The following PRKACA variants were observed in gnomAD, a reference collection of about 807,000 sequenced individuals.
PRKACA encodes the protein protein kinase cAMP-activated catalytic subunit alpha, also known as cAMP-dependent protein kinase catalytic subunit alpha.
A neutral mutation model predicts 45.8 loss-of-function variants in PRKACA; 9 were observed. The ratio of observed to expected loss-of-function variants is 0.20; its 90% CI spans 0.12 to 0.34. PRKACA has a LOEUF of 0.34. Among genes scored for constraint, PRKACA ranks in the 10% least tolerant of loss-of-function variants. The pLI is 1.00. For synonymous variants in PRKACA, 160 were observed against 178.6 expected, an observed-to-expected ratio of 0.90 and a Z score of 0.83; for missense variants, 238 against 458.6, an observed-to-expected ratio of 0.52 and a Z score of 4.39.
In PRKACA at chr19:14,102,857, C is replaced by T; in HGVS notation, c.295G>A (p.Val99Ile). 3.1e-6 allele frequency: 5 copies of T among 1,614,188 alleles called. No individual in the cohort carries two copies. Among genetic ancestry groups the T allele is most frequent in the Non-Finnish European group, 4.2e-6 (5 of 1,180,038 alleles). The part of the protein sequence containing the change: ...TLNEKRILQA[V>I]NFPFLVKLEF... The stretch of plus-strand genomic sequence containing the variant: ...AGTTTGACGAGGAACGGAAAGTTGA[C>T]AGCTTGCAGGATGCGCTTTTCATTC... The change falls in exon 4 of 10, where the codon GTC (valine) becomes ATC (isoleucine). Residue 99 changes from valine (V) to isoleucine (I), a missense_variant. By Grantham distance (29) the Val-to-Ile change is conservative. Coordinates refer to ENST00000308677, the MANE Select transcript of PRKACA (RefSeq NM_002730.4).
intron 1 of PRKACA, among the ~76,000 whole-genome samples, chr19:14,116,503 C>G (rs1967108562): frequency 6.6e-6 from 1 of 152,120 alleles, no homozygotes; most frequent in African/African-American, 2.4e-5. Context: ...ATGAACCTCG[C>G]TAAACCCAGA....
chr19:14,112,579 G>A (rs1966998037), intron 1 of PRKACA: 1 of 152,356 alleles, frequency 6.6e-6, no homozygotes, highest in African/African-American at 2.4e-5. Context: ...CAGGGGACCA[G>A]GGAGGAGGAG....
chr19:14,114,016 C>G (rs1967046019), intron 1 of PRKACA: 1 of 1,219,496 alleles, frequency 8.2e-7, no homozygotes, highest in African/African-American at 1.5e-5. Context: ...CCAGGGCCAG[C>G]CAGGGGTTCA....
chr19:14,097,925 G>C lies in PRKACA; in HGVS notation c.420-35C>G, dbSNP rs769313980. On this transcript the variant is annotated intron_variant, in intron 5 of 9. Coordinates refer to ENST00000308677, the MANE Select transcript of PRKACA (RefSeq NM_002730.4). The surrounding 1 kb of genome is among the most constrained non-coding windows in gnomAD (Gnocchi z 5.4). ...ACAAATGGGGAGGTGAACGTCAGTG[G>C]TCATGCCCCAAAATGGTCCAGCAGG... is the stretch of plus-strand genomic sequence containing the variant. 5 of 1,612,354 alleles carry C rather than the reference G, an allele frequency of 3.1e-6. No individual in the cohort carries two copies. The highest frequency in any genetic ancestry group is 3.4e-6 in the Non-Finnish European group (4 of 1,178,782).
intron 8 of PRKACA, among the ~76,000 whole-genome samples, chr19:14,094,523 T>C (rs1026138448): frequency 6.6e-6 from 1 of 152,198 alleles, no homozygotes; most frequent in Non-Finnish European, 1.5e-5. Context: ...TCCCCAGCAA[T>C]GGTGCTGCTG....
In PRKACA at chr19:14,099,008, CCA is replaced by C. The variant is rs1247959826; in HGVS notation, c.420-1120_420-1119del. On this transcript the variant is annotated intron_variant, in intron 5 of 9. Coordinates refer to ENST00000308677, the MANE Select transcript of PRKACA (RefSeq NM_002730.4). ...ATCTATCTAAAATACAACTACAAGG[CCA>C]GCGCGGTGGCCCATGCCTGTAATCC... is the stretch of plus-strand genomic sequence containing the variant. Among the ~76,000 whole-genome samples the C allele has an allele frequency of 4.6e-5, 7 of 152,178 alleles. No individual in the cohort carries two copies. The East Asian group carries it at 1.2e-3, about 25-fold the overall frequency.
chr19:14,097,498 G>C lies in PRKACA; in HGVS notation c.643-15C>G, dbSNP rs770698309. 1 of 1,614,094 alleles carries C rather than the reference G, an allele frequency of 6.2e-7. No homozygotes were observed. The highest frequency in any genetic ancestry group is 1.3e-5 in the African/African-American group (1 of 75,046). ...TTGTTGTAGCCCTGGAGCAAGATGG[G>C]GGGGCACAGGGTGAGGAGGAGGCGA... On this transcript the variant is annotated splice_polypyrimidine_tract_variant and intron_variant, in intron 7 of 9. Coordinates refer to ENST00000308677, the MANE Select transcript of PRKACA (RefSeq NM_002730.4). The surrounding 1 kb of genome is among the most constrained non-coding windows in gnomAD (Gnocchi z 5.4).
chr19:14,101,751 C>T (rs1016962015), intron 4 of PRKACA, among the ~76,000 whole-genome samples: 22 of 151,240 alleles, frequency 1.5e-4, no homozygotes, highest in African/African-American at 4.6e-4. Context: ...ATCCCAGCTA[C>T]TCGGGAGGCT....
chr19:14,107,479 G>C, intron 1 of PRKACA, 70 bp from the exon 2 acceptor site: 3 of 1,535,110 alleles, frequency 2.0e-6, no homozygotes, highest in Non-Finnish European at 2.7e-6. Flanking sequence ...GTGATTTCTG[G>C]GGAGATACTT....
chr19:14,097,968 C>T lies in PRKACA; in HGVS notation c.420-78G>A. 1 of 1,568,420 alleles carries T rather than the reference C, an allele frequency of 6.4e-7. No homozygotes were observed. ...CCAGCAGGTGGCCCTGCAGAGCCTA[C>T]CCCAGAGGAAGACACCTCCAGTCCA... is the stretch of plus-strand genomic sequence containing the variant. On this transcript the variant is annotated intron_variant, in intron 5 of 9. Coordinates refer to ENST00000308677, the MANE Select transcript of PRKACA (RefSeq NM_002730.4). This position sits in a 1 kb window ranked among gnomAD's most constrained non-coding sequence, Gnocchi z 5.4.
intron 2 of PRKACA, 73 bp downstream of exon 2, chr19:14,107,275 G>A (rs1160205178): frequency 2.7e-6 from 4 of 1,461,396 alleles, no homozygotes; most frequent in Non-Finnish European, 3.8e-6. Context: ...TTCTAGCTGT[G>A]TTGCTGGGAC....
chr19:14,098,846 G>GAATTTTC (rs1977351463), intron 5 of PRKACA, among the ~76,000 whole-genome samples: 4 of 151,358 alleles, frequency 2.6e-5, no homozygotes, highest in Admixed American at 2.6e-4. Flanking sequence ...GGATTCAAGG[G>GAATTTTC]AATTTTCTTA....
intron 8 of PRKACA, among the ~76,000 whole-genome samples, chr19:14,095,808 G>A (rs1054638714): frequency 2.0e-5 from 3 of 151,988 alleles, no homozygotes; most frequent in Non-Finnish European, 4.4e-5. Context: ...GAGCCACCGC[G>A]CCTGGCCTTC....
At chr19:14,115,134 G>A (rs1335183809) in intron 1 of PRKACA, 5 of 984,808 alleles carry the variant, frequency 5.1e-6, no homozygotes, top group Non-Finnish European at 6.0e-6. Context: ...GTACAGCTTC[G>A]GGCGTTTCTC....
intron 1 of PRKACA, chr19:14,113,994 C>G: frequency 1.1e-6 from 1 of 935,372 alleles, no homozygotes; most frequent in Non-Finnish European, 1.7e-6. Flanking sequence ...CGGGGCTGTA[C>G]AGGAGGCGTT....
intron 5 of PRKACA, chr19:14,098,109 C>A: frequency 1.9e-6 from 1 of 522,250 alleles, no homozygotes. Flanking sequence ...CAATGGAATT[C>A]CACTCACCAC....
Position 14,100,867 on chromosome 19 carries a change from G to T in PRKACA, c.378C>A (p.Gly126=). The change falls in exon 5 of 10, where the codon GGC becomes GGA. Residue 126 remains glycine (G), a synonymous_variant. Transcript: ENST00000308677. ...NLYMVMEYVP[G]GEMFSHLRRI... is the part of the protein sequence containing the mutation. ...GCCGTAGGTGTGAGAACATCTCCCC[G>T]CCGGGCACGTACTCCATGACCATGT... 1 of 1,614,074 alleles carries T rather than the reference G, an allele frequency of 6.2e-7. No individual in the cohort carries two copies. The highest frequency in any genetic ancestry group is 8.5e-7 in the Non-Finnish European group (1 of 1,179,956).
At chr19:14,101,229 A>C (rs1203660993) in intron 4 of PRKACA, 1 of 276,144 alleles carries the variant, frequency 3.6e-6, no homozygotes, top group Non-Finnish European at 7.1e-6. Context: ...TAGGCTGCAG[A>C]ATTAGTGGGG....
intron 1 of PRKACA, among the ~76,000 whole-genome samples, chr19:14,113,154 TGGCTCTACTCTC>T (rs1305485086): frequency 1.3e-5 from 2 of 151,674 alleles, no homozygotes; most frequent in Non-Finnish European, 1.5e-5. Context: ...GCCCTGTGCT[TGGCTCTACTCTC>T]GGCCATGAAA....
Sources: gnomAD v4.1 joint callset for allele counts (sites outside exome capture counted in the v4.1 genomes callset) on GRCh38, gnomAD v4.1.1 for gene constraint, Gnocchi (gnomAD v3.1) non-coding constraint, MANE v1.5 for transcripts, NCBI Gene and HGNC (gene_info 2026-07-23, HGNC 2026-07-21) for gene names.